CLIC5: variants seen among roughly 807,000 people sequenced by gnomAD.
The protein encoded by CLIC5 is CLIC family member 5.
CLIC5 carries 20 observed loss-of-function variants against 24.7 expected under a neutral mutation model. That is an observed-to-expected ratio of 0.81 (90% confidence interval 0.57 to 1.18). The LOEUF (loss-of-function observed/expected upper bound fraction) is 1.18. Ranked by LOEUF, CLIC5 falls within the 50% of genes most tolerant of loss-of-function variation. The probability of loss-of-function intolerance (pLI) is 0.00; values close to 1 mark genes in which losing one functional copy is unlikely to be tolerated. For synonymous variants in CLIC5, 159 were observed against 135.6 expected, an observed-to-expected ratio of 1.17 and a Z score of -1.20; for missense variants, 341 against 326.1, an observed-to-expected ratio of 1.05 and a Z score of -0.35.
the CLIC5 span, among the ~76,000 whole-genome samples, chr6:46,111,441 C>A: frequency 1.3e-5 from 2 of 152,152 alleles, no homozygotes; most frequent in Admixed American, 1.3e-4. Flanking sequence ...CTTAGAAATA[C>A]CTCTTACTAA....
intron 1 of CLIC5, among the ~76,000 whole-genome samples, chr6:45,988,473 T>C (rs749297882): frequency 7.2e-5 from 11 of 152,200 alleles, no homozygotes; most frequent in Non-Finnish European, 1.5e-4. Context: ...GGATAATGTT[T>C]GATCAACTAT....
chr6:46,084,310 CT>C (rs1370597453), upstream of CLIC5, among the ~76,000 whole-genome samples: 1 of 152,082 alleles, frequency 6.6e-6, no homozygotes, highest in Non-Finnish European at 1.5e-5. Flanking sequence ...GAATTTGATC[CT>C]GTCATTATGA....
intron 4 of CLIC5, among the ~76,000 whole-genome samples, chr6:45,924,153 G>T (rs1167013368): frequency 6.6e-6 from 1 of 152,174 alleles, no homozygotes. Context: ...CTTGCCTCTG[G>T]CTCTGCTCAG....
chr6:45,995,977 G>A (rs72856977), intron 1 of CLIC5, among the ~76,000 whole-genome samples: 1 of 152,076 alleles, frequency 6.6e-6, no homozygotes, highest in Non-Finnish European at 1.5e-5. Flanking sequence ...GGGCTGGGGT[G>A]GGGGGAGAGA....
intron 1 of CLIC5, among the ~76,000 whole-genome samples, chr6:45,978,458 T>C (rs1345902018): frequency 6.6e-6 from 1 of 152,204 alleles, no homozygotes; most frequent in African/African-American, 2.4e-5. Flanking sequence ...TTCTAGGAAG[T>C]ATTCAACAAT....
At chr6:45,916,101 C>T (rs1322423177) in intron 4 of CLIC5, among the ~76,000 whole-genome samples, 1 of 152,158 alleles carries the variant, frequency 6.6e-6, no homozygotes, top group Non-Finnish European at 1.5e-5. Context: ...TCATAGAAGG[C>T]CTTTTGTTTG....
At chr6:45,963,464 C>T (rs904786320) in intron 1 of CLIC5, among the ~76,000 whole-genome samples, 1 of 152,122 alleles carries the variant, frequency 6.6e-6, no homozygotes, top group African/African-American at 2.4e-5. Flanking sequence ...ATGCACTGGC[C>T]TGCCTGTGGA....
In CLIC5 at chr6:46,037,382, T is replaced by C. The variant is rs560011820; in HGVS notation, c.540+42321A>G. On this transcript the variant is annotated intron_variant, in intron 1 of 5. Transcript: ENST00000185206. ...GAGGGGGCCAAAAGACTATGCTCAG[T>C]AATAAATTAATGGAAGAACAAAGGA... Among the ~76,000 whole-genome samples, 5 of 152,298 alleles carry C rather than the reference T, an allele frequency of 3.3e-5. 1 individual carries two copies. In the East Asian group the frequency reaches 9.6e-4, roughly 29 times the overall value.
Position 46,036,088 on chromosome 6 carries a change from C to T in CLIC5, c.540+43615G>A, listed in dbSNP as rs1224658556. Among the ~76,000 whole-genome samples, 8 of 152,040 alleles carry T rather than the reference C, an allele frequency of 5.3e-5. No individual in the cohort carries two copies. The East Asian group carries it at 1.4e-3, about 26-fold the overall frequency. ...ACTCCTCCCCACCCAAAGGGCCTCC[C>T]CTGCACCTTACTTGTGCTCAAATTC... On this transcript the variant is annotated intron_variant, in intron 1 of 5. Transcript: ENST00000185206.
At chr6:46,035,772 T>G (rs954263854) in intron 1 of CLIC5, among the ~76,000 whole-genome samples, 17 of 152,156 alleles carry the variant, frequency 1.1e-4, no homozygotes, top group Admixed American at 9.2e-4. Flanking sequence ...TTAAGATGGA[T>G]TCTCCCTCTG....
intron 1 of CLIC5, among the ~76,000 whole-genome samples, chr6:45,962,262 C>T (rs1168381282): frequency 6.6e-6 from 1 of 151,462 alleles, no homozygotes; most frequent in African/African-American, 2.4e-5. Context: ...AAGGAACTGG[C>T]TCACACAGTT....
intron 1 of CLIC5, among the ~76,000 whole-genome samples, chr6:45,961,462 C>A (rs934369649): frequency 6.6e-6 from 1 of 152,240 alleles, no homozygotes; most frequent in African/African-American, 2.4e-5. Flanking sequence ...CAGTTCTGAG[C>A]AGACCACACT....
chr6:46,100,264 A>C, the CLIC5 span, among the ~76,000 whole-genome samples: 10 of 152,366 alleles, frequency 6.6e-5, no homozygotes, highest in African/African-American at 2.4e-4. Flanking sequence ...TTGCCAGGAA[A>C]AAACAAACAA....
At position 45,902,430 on chromosome 6, in the gene CLIC5, G is replaced by C. The variant is rs1048969910; in HGVS notation, c.*658C>G. On this transcript the variant is annotated 3_prime_UTR_variant, in exon 6 of 6. Coordinates refer to ENST00000339561, the MANE Select transcript of CLIC5 (RefSeq NM_016929.5). The stretch of plus-strand genomic sequence containing the variant: ...CTGGACGGCATGGAAGCCAGGGACA[G>C]CATGGGCCAGGTGCGCAGCAGCAGC... 1.3e-5 allele frequency: 2 copies of C among 153,144 alleles called. No homozygotes were observed. The highest frequency in any genetic ancestry group is 2.9e-5 in the Non-Finnish European group (2 of 68,398). 9.5% of individuals were successfully genotyped at this position (153,144 alleles called of 1,614,324 possible).
At chr6:45,951,759 C>A (rs544400063) in intron 2 of CLIC5, among the ~76,000 whole-genome samples, 2 of 151,972 alleles carry the variant, frequency 1.3e-5, no homozygotes, top group Admixed American at 6.6e-5. Context: ...AAACATTAAA[C>A]GCAGAAACTG....
rs1233746681 is a variant in CLIC5, at chr6:45,996,237, T to C, written c.63+19243A>G. ...AGAAGTGGGGTTAGAAAGCCAGTTC[T>C]TGATATTAGCCCTTTGTCAGATGAG... On this transcript the variant is annotated intron_variant, in intron 1 of 5. Coordinates refer to ENST00000339561, the MANE Select transcript of CLIC5 (RefSeq NM_016929.5). 3.3e-5 allele frequency among the ~76,000 whole-genome samples: 5 copies of C among 152,216 alleles called. No homozygotes were observed. In the East Asian group the frequency reaches 9.6e-4, roughly 29 times the overall value.
the CLIC5 span, among the ~76,000 whole-genome samples, chr6:46,098,462 C>T: frequency 5.3e-5 from 8 of 152,154 alleles, no homozygotes; most frequent in Admixed American, 5.2e-4. Context: ...AGCTGGTTTA[C>T]ATTATAGGCA....
intron 1 of CLIC5, among the ~76,000 whole-genome samples, chr6:45,975,477 A>C (rs1414471634): frequency 6.6e-6 from 1 of 152,164 alleles, no homozygotes; most frequent in Non-Finnish European, 1.5e-5. Context: ...GCCAACAGTG[A>C]CTGTCCAACA....
the CLIC5 span, among the ~76,000 whole-genome samples, chr6:46,114,977 G>A: frequency 1.3e-5 from 2 of 152,158 alleles, no homozygotes; most frequent in South Asian, 4.1e-4. Flanking sequence ...ATTGACACAA[G>A]GATATCTAAG....
Sources: gnomAD v4.1 joint callset for allele counts (sites outside exome capture counted in the v4.1 genomes callset) on GRCh38, gnomAD v4.1.1 for gene constraint, MANE v1.5 for transcripts, NCBI Gene and HGNC (gene_info 2026-07-23, HGNC 2026-07-21) for gene names.